DHTKD1: variants seen among roughly 807,000 people sequenced by gnomAD.
The protein encoded by DHTKD1 is dehydrogenase E1 and transketolase domain containing 1, also known as 2-oxoadipate dehydrogenase complex component E1.
DHTKD1 carries 78 observed loss-of-function variants against 101.8 expected under a neutral mutation model. The observed-to-expected ratio is 0.77, with a 90% confidence interval of 0.64 to 0.93. The LOEUF is 0.93. Ranked by LOEUF, DHTKD1 falls within the 40% of genes least tolerant of loss-of-function variation. The pLI, the probability that DHTKD1 is intolerant of heterozygous loss-of-function variation, is 0.00. For missense variants in DHTKD1, 1,223 were observed against 1,161.7 expected (o/e 1.05, Z -0.77); for synonymous variants, 462 against 450.3 (o/e 1.03, Z -0.33).
chr10:12,117,236 C>T (rs1045069137), intron 13 of DHTKD1, among the ~76,000 whole-genome samples: 4 of 151,408 alleles, frequency 2.6e-5, no homozygotes, highest in Non-Finnish European at 5.9e-5. Context: ...TCTCAAACTC[C>T]TGACCTCAGG....
intron 12 of DHTKD1, 137 bp from the exon 13 acceptor site, chr10:12,112,763 A>C (rs1833354086): frequency 1.2e-6 from 1 of 828,464 alleles, no homozygotes; most frequent in African/African-American, 1.7e-5. Context: ...ACCTGCTGAT[A>C]TTTTTCTGTA....
intron 1 of DHTKD1, among the ~76,000 whole-genome samples, chr10:12,074,172 T>G (rs1013315800): frequency 6.6e-6 from 1 of 150,418 alleles, no homozygotes; most frequent in African/African-American, 2.4e-5. Context: ...AAAGTTTTGC[T>G]TTTTGTTTTG....
chr10:12,112,020 T>C (rs1833339132), intron 12 of DHTKD1, among the ~76,000 whole-genome samples: 2 of 151,896 alleles, frequency 1.3e-5, no homozygotes, highest in African/African-American at 2.4e-5. Flanking sequence ...AAAAAGAAGA[T>C]GATCATGATT....
intron 10 of DHTKD1, among the ~76,000 whole-genome samples, chr10:12,102,620 A>G (rs1319899568): frequency 2.6e-5 from 4 of 151,952 alleles, no homozygotes; most frequent in Non-Finnish European, 5.9e-5. Flanking sequence ...GTGCTTTGAT[A>G]TTTATTATCA....
At chr10:12,113,310 G>A (rs532265691) in intron 13 of DHTKD1, among the ~76,000 whole-genome samples, 7 of 152,042 alleles carry the variant, frequency 4.6e-5, no homozygotes, top group African/African-American at 1.2e-4. Flanking sequence ...CGATTCTCCC[G>A]CCTCAGCCTC....
chr10:12,089,186 G>T lies in DHTKD1; in HGVS notation c.918G>T (p.Gln306His). Residue 306 changes from glutamine to histidine, a missense_variant, in exon 5 of 17, where the codon CAG (glutamine) becomes CAT (histidine). Transcript: ENST00000263035. ...TGGGCAAAACTCGCGGCAGGCAGCA[G>T]TCTCGCCAAGACGGCGATTACTCTC... is the stretch of plus-strand genomic sequence containing the variant. ...VAVGKTRGRQQSRQDGDYSPD... is the reference protein window; with the variant it reads ...VAVGKTRGRQHSRQDGDYSPD... 6 of 1,614,212 alleles carry T rather than the reference G, an allele frequency of 3.7e-6. No homozygotes were observed. Among genetic ancestry groups the T allele is most frequent in the Non-Finnish European group, 5.1e-6 (6 of 1,180,046 alleles).
In DHTKD1 at chr10:12,111,327, G is replaced by A. The variant is rs546132953; in HGVS notation, c.2155-1573G>A. ...ATTATAGGCTTGTGCCACGATGCCC[G>A]GCTAATTTTTGTATTTTTAGTAGAG... On this transcript the variant is annotated intron_variant, in intron 12 of 16. Transcript: ENST00000263035. Among the ~76,000 whole-genome samples, 283 of 152,086 alleles carry A rather than the reference G, an allele frequency of 1.9e-3. 2 individuals carry two copies. Among genetic ancestry groups the A allele is most frequent in the African/African-American group, 6.5e-3 (268 of 41,506 alleles).
intron 7 of DHTKD1, among the ~76,000 whole-genome samples, chr10:12,095,042 C>G (rs1198863062): frequency 6.6e-6 from 1 of 152,176 alleles, no homozygotes; most frequent in Non-Finnish European, 1.5e-5. Context: ...TTAAGCAAAC[C>G]TCGCCCAAAT....
rs9787687 is a variant in DHTKD1 at position 12,110,798 on chromosome 10, G to T, written c.2155-2102G>T. ...CTCACACCTGTAATCCCAGCACTTT[G>T]GGAGGCCAAGGTGGGTGGATATCTT... On this transcript the variant is annotated intron_variant, in intron 12 of 16. Transcript: ENST00000263035. The surrounding 1 kb of genome is among the most constrained non-coding windows in gnomAD (Gnocchi z 4.9). Among the ~76,000 whole-genome samples the T allele has an allele frequency of 0.48, 72,601 of 151,898 alleles. 19,441 individuals are homozygous for T. The highest frequency in any genetic ancestry group is 0.72 in the South Asian group (3,486 of 4,822).
chr10:12,090,284 A>G (rs924412462), intron 5 of DHTKD1, among the ~76,000 whole-genome samples: 10 of 152,268 alleles, frequency 6.6e-5, no homozygotes, highest in African/African-American at 2.4e-4. Context: ...ATGCATTTTA[A>G]TTTTTCACAG....
chr10:12,084,033 C>G (rs1015541074), intron 2 of DHTKD1, among the ~76,000 whole-genome samples: 9 of 151,866 alleles, frequency 5.9e-5, no homozygotes, highest in Non-Finnish European at 1.2e-4. Context: ...AGCAATTGTC[C>G]TGCCTCAGCC....
At position 12,087,431 on chromosome 10, in the gene DHTKD1, TTG is replaced by T; in HGVS notation, c.523-103_523-102del. ...AGTAAAGTGGCATTGCTGTGGCCAC[TTG>T]GGGAGTGTGGGGCCATCTCACAACA... On this transcript the variant is annotated intron_variant, in intron 3 of 16. Transcript: ENST00000263035. This position sits in a 1 kb window ranked among gnomAD's most constrained non-coding sequence, Gnocchi z 5.2. The T allele has an allele frequency of 3.2e-6, 3 of 931,510 alleles. No individual in the cohort carries two copies. The highest frequency in any genetic ancestry group is 4.9e-6 in the Non-Finnish European group (3 of 615,074). The allele number at this position is 931,510 out of a possible 1,614,324, so 57.7% of individuals were successfully genotyped here. A position where few individuals can be genotyped will look rare whatever the true frequency, so the allele number is the denominator to read the frequency against.
At position 12,091,411 on chromosome 10, in the gene DHTKD1, CAA is replaced by C. The variant is rs71382619; in HGVS notation, c.988-84_988-83del. The C allele has an allele frequency of 3.7e-3, 718 of 192,458 alleles. 1 individual carries two copies. Among genetic ancestry groups the C allele is most frequent in the East Asian group, 6.7e-3 (49 of 7,316 alleles). 11.9% of individuals were successfully genotyped at this position (192,458 alleles called of 1,614,324 possible). ...TGGGCGAAAGAGCAAGACTCTGTCT[CAA>C]AAAAAAAAAAAAAAAAAGTTATTCC... On this transcript the variant is annotated intron_variant, in intron 5 of 16. Coordinates refer to ENST00000263035, the MANE Select transcript of DHTKD1 (RefSeq NM_018706.7).
At chr10:12,071,694 G>A (rs1463058638) in intron 1 of DHTKD1, among the ~76,000 whole-genome samples, 4 of 152,072 alleles carry the variant, frequency 2.6e-5, no homozygotes, top group East Asian at 1.9e-4. Context: ...TTGGGAGGCC[G>A]AGACAGACAG....
chr10:12,089,356 C>A, intron 5 of DHTKD1, 101 bp downstream of exon 5: 2 of 1,115,924 alleles, frequency 1.8e-6, no homozygotes, highest in South Asian at 1.5e-5. Flanking sequence ...CATGATGAAA[C>A]TGAGATGACC....
Position 12,120,283 on chromosome 10 carries a change from C to G in DHTKD1, c.2658+16C>G. On this transcript the variant is annotated intron_variant, in intron 16 of 16. Coordinates refer to ENST00000263035, the MANE Select transcript of DHTKD1 (RefSeq NM_018706.7). ...GGCCTGCAAGGTAATCACACGTTTT[C>G]TCTGGTAGTGTTTTGTGTTTTGTGT... is the stretch of plus-strand genomic sequence containing the variant. 1 of 1,596,064 alleles carries G rather than the reference C, an allele frequency of 6.3e-7. No homozygotes were observed. The highest frequency in any genetic ancestry group is 8.6e-7 in the Non-Finnish European group (1 of 1,166,492).
chr10:12,120,199 G>A lies in DHTKD1; in HGVS notation c.2590G>A (p.Glu864Lys), dbSNP rs773691692. 10 of 1,613,922 alleles carry A rather than the reference G, an allele frequency of 6.2e-6. No individual in the cohort carries two copies. The South Asian group carries it at 1.1e-4, about 18-fold the overall frequency. The change falls in exon 16 of 17, where the codon GAG (glutamate) becomes AAG (lysine). Residue 864 changes from glutamate to lysine, a missense_variant. Coordinates refer to ENST00000263035, the MANE Select transcript of DHTKD1 (RefSeq NM_018706.7). ...TCTCATAGATCATATTTGGAGTCAG[G>A]AGGAACCTCAGAACATGGGTCCGTG... ...KHVKDHIWSQ[E>K]EPQNMGPWSF...
intron 10 of DHTKD1, among the ~76,000 whole-genome samples, chr10:12,101,971 T>A (rs1833177937): frequency 6.6e-6 from 1 of 152,002 alleles, no homozygotes. Flanking sequence ...AGTAGTGGAG[T>A]CTTTTCATTT....
chr10:12,069,514 T>C (rs12775334), intron 1 of DHTKD1, among the ~76,000 whole-genome samples: 175 of 126,412 alleles, frequency 1.4e-3, no homozygotes, highest in Admixed American at 3.7e-3. Context: ...TCTCTTTTTG[T>C]TTCCTTTTTT....
Sources: allele counts gnomAD v4.1 joint callset (sites outside exome capture counted in the v4.1 genomes callset), GRCh38; gene constraint gnomAD v4.1.1; non-coding constraint Gnocchi (gnomAD v3.1); transcripts MANE v1.5; gene names NCBI Gene and HGNC (gene_info 2026-07-23, HGNC 2026-07-21).